The following ADARB2 variants were observed in gnomAD, a reference collection of about 807,000 sequenced individuals.
ADARB2 encodes the protein inactive double-stranded RNA-specific editase B2.
Under a neutral mutation model 62.2 loss-of-function variants are expected in ADARB2, and 25 were observed. The observed-to-expected ratio is 0.40, with a 90% CI of 0.29 to 0.56. ADARB2 has a LOEUF of 0.56. Ranked by LOEUF, ADARB2 falls within the 20% of genes least tolerant of loss-of-function variation. ADARB2 has a pLI of 0.43. For missense variants in ADARB2, 1,071 were observed against 1,077.4 expected, an observed-to-expected ratio of 0.99 and a Z score of 0.08; for synonymous variants, 572 against 500.8, an observed-to-expected ratio of 1.14 and a Z score of -1.90.
chr10:1,272,997 CT>C (rs1258454336), intron 3 of ADARB2, among the ~76,000 whole-genome samples: 1 of 152,224 alleles, frequency 6.6e-6, no homozygotes, highest in Non-Finnish European at 1.5e-5. Context: ...TCACTGCAGT[CT>C]CCGCCTCTAT....
intron 1 of ADARB2, among the ~76,000 whole-genome samples, chr10:1,524,324 C>T (rs997272470): frequency 1.3e-5 from 2 of 152,136 alleles, no homozygotes; most frequent in African/African-American, 4.8e-5. Flanking sequence ...CTAATTCAGT[C>T]GCCATTTGTG....
chr10:1,471,555 T>A (rs977838962), intron 1 of ADARB2, among the ~76,000 whole-genome samples: 1 of 151,922 alleles, frequency 6.6e-6, no homozygotes, highest in Non-Finnish European at 1.5e-5. Flanking sequence ...CATGCCTGGC[T>A]AATTTTTTTG....
At chr10:1,617,118 A>G (rs1347538001) in intron 1 of ADARB2, among the ~76,000 whole-genome samples, 2 of 139,178 alleles carry the variant, frequency 1.4e-5, no homozygotes, top group Non-Finnish European at 3.1e-5. Context: ...CTGCCCGTCC[A>G]GACACACTCT....
chr10:1,265,890 C>G (rs1473298504), intron 4 of ADARB2, among the ~76,000 whole-genome samples: 27 of 112,618 alleles, frequency 2.4e-4, no homozygotes, highest in African/African-American at 9.5e-4. Context: ...AGAGGGGGGC[C>G]CAGGGTCCCC....
chr10:1,193,863 AT>A (rs1199850464), intron 8 of ADARB2, among the ~76,000 whole-genome samples: 1 of 151,800 alleles, frequency 6.6e-6, no homozygotes. Flanking sequence ...TGCTTTTAAG[AT>A]TTTTTTGGTC....
intron 3 of ADARB2, among the ~76,000 whole-genome samples, chr10:1,356,641 G>A (rs899357064): frequency 4.6e-5 from 7 of 152,144 alleles, no homozygotes; most frequent in Non-Finnish European, 8.8e-5. Context: ...AAGTCTGGAG[G>A]AAAAGCTGCA....
At chr10:1,241,771 C>G (rs1384659680) in intron 5 of ADARB2, among the ~76,000 whole-genome samples, 1 of 152,238 alleles carries the variant, frequency 6.6e-6, no homozygotes, top group African/African-American at 2.4e-5. Flanking sequence ...GGGCACTGCA[C>G]TCACGTTCTC....
At chr10:1,603,485 A>G (rs2132016292) in intron 1 of ADARB2, among the ~76,000 whole-genome samples, 1 of 151,958 alleles carries the variant, frequency 6.6e-6, no homozygotes, top group East Asian at 1.9e-4. Context: ...ATGTCCCCTA[A>G]CCTCCTACCC....
At chr10:1,446,058 T>G (rs558798981) in intron 1 of ADARB2, among the ~76,000 whole-genome samples, 1 of 35,224 alleles carries the variant, frequency 2.8e-5, no homozygotes, top group East Asian at 1.2e-3. Context: ...GGACGAGGAA[T>G]GGAAGGGAGG....
chr10:1,227,518 C>A lies in ADARB2; in HGVS notation c.1513+6176G>T, dbSNP rs57723512. ...GTCGCTCACGCTGGGAGCTGTAGAC[C>A]GGAGCTGTTCCTATTCGGCCATCTT... On this transcript the variant is annotated intron_variant, in intron 6 of 9. Transcript: ENST00000381312. Among the ~76,000 whole-genome samples, 1,516 of 152,304 alleles carry A rather than the reference C, an allele frequency of 1.0e-2. 21 individuals are homozygous for A. Among genetic ancestry groups the A allele is most frequent in the African/African-American group, 0.034 (1,430 of 41,570 alleles).
intron 1 of ADARB2, among the ~76,000 whole-genome samples, chr10:1,418,766 A>G (rs1176078565): frequency 2.0e-5 from 3 of 152,164 alleles, no homozygotes; most frequent in African/African-American, 7.2e-5. Context: ...AAACTCAGTG[A>G]GCATTCCAAA....
At chr10:1,475,059 C>G (rs1019656415) in intron 1 of ADARB2, among the ~76,000 whole-genome samples, 3 of 152,150 alleles carry the variant, frequency 2.0e-5, no homozygotes, top group Non-Finnish European at 4.4e-5. Context: ...TGCTACAGAG[C>G]AGCGGGTGCC....
At chr10:1,691,116 C>T (rs1189162232) in intron 1 of ADARB2, among the ~76,000 whole-genome samples, 1 of 152,146 alleles carries the variant, frequency 6.6e-6, no homozygotes, top group African/African-American at 2.4e-5. Flanking sequence ...TTCAAAGAGG[C>T]AATTAAGTTA....
intron 3 of ADARB2, among the ~76,000 whole-genome samples, chr10:1,271,286 G>T (rs1435200134): frequency 6.6e-6 from 1 of 152,206 alleles, no homozygotes; most frequent in Non-Finnish European, 1.5e-5. Context: ...GCTTATGAGT[G>T]GTTAACCCCA....
chr10:1,413,752 G>T (rs569986722), intron 1 of ADARB2, among the ~76,000 whole-genome samples: 1 of 152,076 alleles, frequency 6.6e-6, no homozygotes, highest in Non-Finnish European at 1.5e-5. Flanking sequence ...TGATGCTCCC[G>T]GGCACAATGA....
chr10:1,516,681 G>C (rs1402641853), intron 1 of ADARB2, among the ~76,000 whole-genome samples: 1 of 152,218 alleles, frequency 6.6e-6, no homozygotes, highest in Admixed American at 6.5e-5. Context: ...AGCTGCATGC[G>C]AATATCGCCC....
chr10:1,401,482 C>T (rs1352384937), intron 1 of ADARB2, among the ~76,000 whole-genome samples: 4 of 152,192 alleles, frequency 2.6e-5, no homozygotes, highest in Admixed American at 1.3e-4. Flanking sequence ...CAGCGCTGTT[C>T]GGGGCCTCCG....
intron 8 of ADARB2, among the ~76,000 whole-genome samples, chr10:1,198,867 G>C (rs905913407): frequency 2.0e-4 from 30 of 152,376 alleles, no homozygotes; most frequent in Admixed American, 1.6e-3. Context: ...TGCCCAGGGA[G>C]GGCAAAACCT....
At position 1,182,953 on chromosome 10, in the gene ADARB2, C is replaced by T. The variant is rs911186388; in HGVS notation, c.*240G>A. The T allele has an allele frequency of 3.1e-5, 16 of 509,992 alleles. No homozygotes were observed. Among genetic ancestry groups the T allele is most frequent in the Admixed American group, 3.0e-4 (9 of 30,036 alleles). The allele number at this position is 509,992 out of a possible 1,614,324, so 31.6% of individuals were successfully genotyped here. A position where few individuals can be genotyped will look rare whatever the true frequency, so the allele number is the denominator to read the frequency against. ...CCTCAGACTCCACAGGAAGAGTCGG[C>T]GCTAACTCAACAGTGCATGTGCCCC... On this transcript the variant is annotated 3_prime_UTR_variant, in exon 10 of 10. Coordinates refer to ENST00000381312, the MANE Select transcript of ADARB2 (RefSeq NM_018702.4).
Sources: gnomAD v4.1 joint callset for allele counts (sites outside exome capture counted in the v4.1 genomes callset) on GRCh38, gnomAD v4.1.1 for gene constraint, MANE v1.5 for transcripts, NCBI Gene and HGNC (gene_info 2026-07-23, HGNC 2026-07-21) for gene names.